TCF7L1: variants seen among roughly 807,000 people sequenced by gnomAD.
TCF7L1 encodes the protein transcription factor 7 like 1, also known as transcription factor 7-like 1.
A neutral mutation model predicts 63.7 loss-of-function variants in TCF7L1; 18 were observed. The ratio of observed to expected loss-of-function variants is 0.28; its 90% CI spans 0.20 to 0.42. The LOEUF (loss-of-function observed/expected upper bound fraction) is 0.42. TCF7L1 is among the 10% of genes least tolerant of loss of function. TCF7L1 has a pLI of 1.00. For missense variants in TCF7L1, 654 were observed against 779.3 expected, an observed-to-expected ratio of 0.84 and a Z score of 1.91; for synonymous variants, 355 against 340.9, an observed-to-expected ratio of 1.04 and a Z score of -0.46.
chr2:85,223,865 T>G (rs1679900153), intron 3 of TCF7L1, among the ~76,000 whole-genome samples: 1 of 152,212 alleles, frequency 6.6e-6, no homozygotes, highest in Non-Finnish European at 1.5e-5. Flanking sequence ...GGTATACATG[T>G]GCCATATTGG....
At chr2:85,136,981 G>A (rs1427917541) in intron 3 of TCF7L1, among the ~76,000 whole-genome samples, 1 of 152,102 alleles carries the variant, frequency 6.6e-6, no homozygotes, top group Non-Finnish European at 1.5e-5. Flanking sequence ...GAGTGGGGAG[G>A]GAGGAGGGAG....
intron 3 of TCF7L1, among the ~76,000 whole-genome samples, chr2:85,265,494 A>G (rs1680946565): frequency 6.6e-6 from 1 of 152,146 alleles, no homozygotes; most frequent in Non-Finnish European, 1.5e-5. Flanking sequence ...CTGGAAGGGA[A>G]AGAGTGGAGG....
chr2:85,270,476 C>T (rs570916526), intron 3 of TCF7L1, among the ~76,000 whole-genome samples: 2 of 152,230 alleles, frequency 1.3e-5, no homozygotes, highest in Admixed American at 6.5e-5. Flanking sequence ...TACCTCCTGG[C>T]GTAAATCAGA....
At chr2:85,160,493 G>A (rs557331217) in intron 3 of TCF7L1, among the ~76,000 whole-genome samples, 55 of 152,208 alleles carry the variant, frequency 3.6e-4, no homozygotes, top group Non-Finnish European at 6.0e-4. Flanking sequence ...CCAAAGTGCC[G>A]GGATTGCAGG....
At chr2:85,245,583 C>G (rs1056658539) in intron 3 of TCF7L1, among the ~76,000 whole-genome samples, 1 of 151,934 alleles carries the variant, frequency 6.6e-6, no homozygotes, top group Admixed American at 6.6e-5. Flanking sequence ...GAGGCCGAGG[C>G]GGGCAGATCA....
chr2:85,207,929 CAG>C (rs376847097), intron 3 of TCF7L1, among the ~76,000 whole-genome samples: 88 of 152,070 alleles, frequency 5.8e-4, no homozygotes, highest in African/African-American at 2.1e-3. Flanking sequence ...GGGGCGGGGA[CAG>C]AGTCTTGCTC....
intron 3 of TCF7L1, among the ~76,000 whole-genome samples, chr2:85,160,043 A>C (rs1678250704): frequency 1.3e-5 from 2 of 152,126 alleles, no homozygotes; most frequent in African/African-American, 4.8e-5. Context: ...CTCTACCTAA[A>C]GGCTTTTTTC....
chr2:85,160,556 T>A (rs999771069), intron 3 of TCF7L1, among the ~76,000 whole-genome samples: 4 of 151,948 alleles, frequency 2.6e-5, no homozygotes, highest in Non-Finnish European at 5.9e-5. Flanking sequence ...CACCTTTTTT[T>A]AAAAAAAGAA....
intron 3 of TCF7L1, among the ~76,000 whole-genome samples, chr2:85,204,276 A>G (rs1272213661): frequency 1.7e-5 from 1 of 58,598 alleles, no homozygotes; most frequent in African/African-American, 7.9e-5. Flanking sequence ...TGTTATTTCT[A>G]TTTGATAACT....
intron 3 of TCF7L1, among the ~76,000 whole-genome samples, chr2:85,172,514 C>G (rs1048306255): frequency 1.3e-5 from 2 of 152,320 alleles, no homozygotes; most frequent in South Asian, 4.1e-4. Context: ...GCAACCTCTG[C>G]CTCCCAGGTT....
chr2:85,267,958 A>G (rs976136503), intron 3 of TCF7L1, among the ~76,000 whole-genome samples: 1 of 152,246 alleles, frequency 6.6e-6, no homozygotes, highest in South Asian at 2.1e-4. Context: ...TGAATTTCAG[A>G]AGTGCTGTAT....
At chr2:85,287,052 G>A (rs1031806406) in intron 4 of TCF7L1, among the ~76,000 whole-genome samples, 9 of 152,270 alleles carry the variant, frequency 5.9e-5, no homozygotes, top group Non-Finnish European at 1.0e-4. Flanking sequence ...CTGTTCCTGT[G>A]AGCACCGTCC....
chr2:85,231,773 A>T (rs939547367), intron 3 of TCF7L1, among the ~76,000 whole-genome samples: 2 of 152,188 alleles, frequency 1.3e-5, no homozygotes, highest in Non-Finnish European at 2.9e-5. Flanking sequence ...GCATGGGTAT[A>T]GGACGTCATT....
chr2:85,181,628 A>C (rs1678807198), intron 3 of TCF7L1, among the ~76,000 whole-genome samples: 1 of 152,048 alleles, frequency 6.6e-6, no homozygotes, highest in Admixed American at 6.6e-5. Context: ...GGCTGGCTGG[A>C]GGAGAGGGAG....
rs764104985 is a variant in TCF7L1 at position 85,306,571 on chromosome 2, C to T, written c.1257+12C>T. ...CCCGGGACAACTATGTAAGTGCACA[C>T]TCTGGGCAGAGGACGCTCAGACCCC... On this transcript the variant is annotated intron_variant, in intron 10 of 11. Coordinates refer to ENST00000282111, the MANE Select transcript of TCF7L1 (RefSeq NM_031283.3). This position sits in a 1 kb window ranked among gnomAD's most constrained non-coding sequence, Gnocchi z 4.3. The T allele has an allele frequency of 2.5e-6, 4 of 1,612,796 alleles. No individual in the cohort carries two copies. The highest frequency in any genetic ancestry group is 3.4e-6 in the Non-Finnish European group (4 of 1,178,830).
chr2:85,137,625 G>C (rs1266586914), intron 3 of TCF7L1, among the ~76,000 whole-genome samples: 1 of 152,238 alleles, frequency 6.6e-6, no homozygotes, highest in Non-Finnish European at 1.5e-5. Context: ...GGGTGCGGTG[G>C]CTTAGGCCTG....
At chr2:85,290,767 G>C (rs1388189288) in intron 4 of TCF7L1, among the ~76,000 whole-genome samples, 1 of 152,224 alleles carries the variant, frequency 6.6e-6, no homozygotes, top group African/African-American at 2.4e-5. Context: ...AAGCTGGCAG[G>C]CTGGAGACTG....
In TCF7L1 at chr2:85,306,880, G is replaced by T. The variant is rs781360059; in HGVS notation, c.1257+321G>T. 5.3e-5 allele frequency among the ~76,000 whole-genome samples: 8 copies of T among 152,164 alleles called. No homozygotes were observed. Among genetic ancestry groups the T allele is most frequent in the Non-Finnish European group, 1.2e-4 (8 of 68,026 alleles). Reference sequence around the variant, plus strand: ...GGGGTTTCACTGTGTTAACCAGGATGGTCTCGAGCTCCTGACCTCGTGATC... The same window carrying T: ...GGGGTTTCACTGTGTTAACCAGGATTGTCTCGAGCTCCTGACCTCGTGATC... On this transcript the variant is annotated intron_variant, in intron 10 of 11. Coordinates refer to ENST00000282111, the MANE Select transcript of TCF7L1 (RefSeq NM_031283.3). The surrounding 1 kb of genome is among the most constrained non-coding windows in gnomAD (Gnocchi z 4.3).
chr2:85,225,850 G>T lies in TCF7L1; in HGVS notation c.442-57645G>T, dbSNP rs1367153619. ...TGGTGAGAGAGGGCATCCCTGTCTT[G>T]TGCCGGTTTTCAAAGGGAATGCTTC... On this transcript the variant is annotated intron_variant, in intron 3 of 11. Transcript: ENST00000282111. Among the ~76,000 whole-genome samples the T allele has an allele frequency of 5.3e-5, 8 of 152,298 alleles. No individual in the cohort carries two copies. In the East Asian group the frequency reaches 1.5e-3, roughly 29 times the overall value.
Sources: allele counts gnomAD v4.1 joint callset (sites outside exome capture counted in the v4.1 genomes callset), GRCh38; gene constraint gnomAD v4.1.1; non-coding constraint Gnocchi (gnomAD v3.1); transcripts MANE v1.5; gene names NCBI Gene and HGNC (gene_info 2026-07-23, HGNC 2026-07-21).